FAM118B: variants seen among roughly 807,000 people sequenced by gnomAD.
FAM118B encodes the protein SIR2 antiphage like 1.
In FAM118B, 24 loss-of-function variants were observed where a neutral mutation model predicts 38.5. The observed-to-expected ratio is 0.62, with a 90% confidence interval of 0.45 to 0.88. The LOEUF (loss-of-function observed/expected upper bound fraction) is 0.88. Ranked by LOEUF, FAM118B falls within the 40% of genes least tolerant of loss-of-function variation. The probability of loss-of-function intolerance (pLI) is 0.00; values close to 1 mark genes in which losing one functional copy is unlikely to be tolerated. For missense variants in FAM118B, 334 were observed against 420.0 expected, an observed-to-expected ratio of 0.80 and a Z score of 1.79; for synonymous variants, 138 against 156.3, an observed-to-expected ratio of 0.88 and a Z score of 0.87.
Position 126,254,376 on chromosome 11 carries a change from T to G in FAM118B, c.639T>G (p.Ser213Arg). The G allele has an allele frequency of 6.2e-7, 1 of 1,614,196 alleles. No homozygotes were observed. Among genetic ancestry groups the G allele is most frequent in the Non-Finnish European group, 8.5e-7 (1 of 1,180,026 alleles). ...LHIHGVYTNP[S>R]GIVLHPAGYQ... ...TTCACGGAGTCTACACCAACCCTAGTGGCATTGTCCTTCATCCGGCTGGAT... is the reference window on the plus strand; with the variant it reads ...TTCACGGAGTCTACACCAACCCTAGGGGCATTGTCCTTCATCCGGCTGGAT... The change falls in exon 6 of 9, where the codon AGT becomes AGG. Residue 213 changes from serine (S) to arginine (R), a missense_variant. This residue lies in a region of FAM118B where 240 missense variants were observed against 295.9 expected (regional missense o/e 0.81). Coordinates refer to ENST00000533050, the MANE Select transcript of FAM118B (RefSeq NM_024556.4).
At chr11:126,228,813 C>A (rs1454454280) in intron 1 of FAM118B, among the ~76,000 whole-genome samples, 1 of 152,128 alleles carries the variant, frequency 6.6e-6, no homozygotes, top group East Asian at 1.9e-4. Context: ...CCCGCCTTGG[C>A]CCCCCAAAGT....
In FAM118B at chr11:126,215,727, G is replaced by C. The variant is rs985180731; in HGVS notation, c.-77+3897G>C. On this transcript the variant is annotated intron_variant, in intron 1 of 8. Transcript: ENST00000533050. ...AAAAAAAAAAAAAAATGTCCTAAAT[G>C]GGGGTGGGGTGCATGGCTCACACCT... 2.7e-5 allele frequency among the ~76,000 whole-genome samples: 4 copies of C among 145,532 alleles called. No individual in the cohort carries two copies. The East Asian group carries it at 6.4e-4, about 23-fold the overall frequency.
chr11:126,262,009 TCTC>T, intron 8 of FAM118B, 108 bp from the exon 9 acceptor site: 1 of 957,916 alleles, frequency 1.0e-6, no homozygotes. Context: ...ATTCCTAGAA[TCTC>T]CTGTCTTGCC....
chr11:126,254,546 T>G, intron 6 of FAM118B, 113 bp downstream of exon 6: 1 of 1,427,088 alleles, frequency 7.0e-7, no homozygotes. Context: ...AAACGGAAGG[T>G]CAGGGGCTAG....
At chr11:126,233,623 A>G (rs905512113) in intron 2 of FAM118B, 6 of 407,118 alleles carry the variant, frequency 1.5e-5, no homozygotes, top group Admixed American at 6.3e-5. Context: ...GACTGGAAAC[A>G]TGATCTACTT....
intron 1 of FAM118B, chr11:126,214,514 G>GTTTTTTTTTTTTTTTTTTTTTTTTTTT (rs71048770): frequency 7.2e-5 from 3 of 41,500 alleles, no homozygotes; most frequent in South Asian, 1.7e-3. Context: ...TTTTTTTTTT[G>GTTTTTTTTTTTTTTTTTTTTTTTTTTT]TTTTTTTTTT....
chr11:126,259,516 C>G lies in FAM118B; in HGVS notation c.983-1909C>G, dbSNP rs112213027. On this transcript the variant is annotated intron_variant, in intron 7 of 8. Transcript: ENST00000533050. ...TCTCGGCTCACTGCAACCCCCGCCT[C>G]CTGGGTTCAAGTGATTCTCCTGCCT... 4.5e-3 allele frequency among the ~76,000 whole-genome samples: 684 copies of G among 151,296 alleles called. 10 individuals carry two copies. The highest frequency in any genetic ancestry group is 0.016 in the African/African-American group (655 of 41,184).
At chr11:126,229,494 G>A (rs58059285) in intron 2 of FAM118B, among the ~76,000 whole-genome samples, 4,643 of 152,190 alleles carry the variant, frequency 0.031, 241 homozygotes, top group African/African-American at 0.1. Flanking sequence ...CCAAGCTGCA[G>A]TGCAGTGGCG....
rs1950584596 is a variant in FAM118B at position 126,256,746 on chromosome 11, C to T, written c.876C>T (p.Asn292=). ...ATGAGTTCAAAAAGCTTCGAGAAAA[C>T]ATGCTGGACAAGGGGATTAAAGTCA... ...DVDEFKKLRE[N]MLDKGIKVIS... The change falls in exon 7 of 9, where the codon AAC becomes AAT. Residue 292 remains asparagine (N), a synonymous_variant. Transcript: ENST00000533050. The surrounding 1 kb of genome is among the most constrained non-coding windows in gnomAD (Gnocchi z 6.6). 2 of 1,614,026 alleles carry T rather than the reference C, an allele frequency of 1.2e-6. No homozygotes were observed. The highest frequency in any genetic ancestry group is 1.3e-5 in the African/African-American group (1 of 74,906).
At chr11:126,214,543 C>T (rs1398509980) in intron 1 of FAM118B, 1 of 107,386 alleles carries the variant, frequency 9.3e-6, no homozygotes, top group African/African-American at 3.5e-5. Flanking sequence ...TATATTGCCT[C>T]CTCCCTGTTC....
chr11:126,239,970 T>TTAGA (rs1310136774), intron 3 of FAM118B, among the ~76,000 whole-genome samples: 1 of 152,140 alleles, frequency 6.6e-6, no homozygotes, highest in Admixed American at 6.5e-5. Flanking sequence ...ATTTTATTAT[T>TTAGA]TAGACAAAAA....
chr11:126,246,140 G>A (rs4937112), intron 4 of FAM118B, among the ~76,000 whole-genome samples: 8,400 of 152,092 alleles, frequency 0.055, 367 homozygotes, highest in East Asian at 0.18. Flanking sequence ...ATATTTAGGG[G>A]AAATTTAAAC....
At chr11:126,259,577 C>A (rs1950641547) in intron 7 of FAM118B, among the ~76,000 whole-genome samples, 1 of 152,044 alleles carries the variant, frequency 6.6e-6, no homozygotes, top group South Asian at 2.1e-4. Flanking sequence ...AGGCGCCCAC[C>A]ACCATGCCCG....
intron 4 of FAM118B, among the ~76,000 whole-genome samples, chr11:126,249,155 T>A (rs1950462741): frequency 6.7e-6 from 1 of 150,258 alleles, no homozygotes; most frequent in African/African-American, 2.5e-5. Flanking sequence ...GGAGGATCAC[T>A]TGAGATCCCA....
intron 4 of FAM118B, among the ~76,000 whole-genome samples, chr11:126,249,963 A>T (rs1950475116): frequency 6.6e-6 from 1 of 152,082 alleles, no homozygotes; most frequent in Non-Finnish European, 1.5e-5. Flanking sequence ...TTCTATAAAA[A>T]TGCCTATTTT....
At chr11:126,238,226 G>A (rs1950307603) in intron 3 of FAM118B, among the ~76,000 whole-genome samples, 1 of 152,056 alleles carries the variant, frequency 6.6e-6, no homozygotes. Flanking sequence ...GCTGGGTGTG[G>A]TGGCACGTGC....
At chr11:126,260,655 TC>T (rs1458070494) in intron 7 of FAM118B, 3 of 152,220 alleles carry the variant, frequency 2.0e-5, no homozygotes, top group Non-Finnish European at 2.9e-5. Flanking sequence ...AGGTCAAAGA[TC>T]AGGAACATTT....
intron 1 of FAM118B, among the ~76,000 whole-genome samples, chr11:126,213,493 T>C (rs1401661288): frequency 1.3e-5 from 2 of 152,228 alleles, no homozygotes; most frequent in Non-Finnish European, 2.9e-5. Flanking sequence ...AATTATTACC[T>C]TCCATGCTCC....
At chr11:126,216,809 G>GT (rs1949985072) in intron 1 of FAM118B, among the ~76,000 whole-genome samples, 1 of 152,228 alleles carries the variant, frequency 6.6e-6, no homozygotes, top group African/African-American at 2.4e-5. Context: ...GAGAGCTATT[G>GT]TACCACATCA....
Sources: gnomAD v4.1 joint callset for allele counts (sites outside exome capture counted in the v4.1 genomes callset) on GRCh38, gnomAD v4.1.1 for gene constraint, gnomAD v4.1.1 regional missense constraint, Gnocchi (gnomAD v3.1) non-coding constraint, MANE v1.5 for transcripts, NCBI Gene and HGNC (gene_info 2026-07-23, HGNC 2026-07-21) for gene names.